Variants in COL4A6 observed in about 807,000 individuals in gnomAD.
COL4A6 encodes collagen alpha-6(IV) chain.
Under a neutral mutation model 126.7 loss-of-function variants are expected in COL4A6, and 59 were observed. The observed-to-expected ratio is 0.47, with a 90% confidence interval of 0.38 to 0.58. The LOEUF (loss-of-function observed/expected upper bound fraction) is 0.58. Among genes scored for constraint, COL4A6 ranks in the 20% least tolerant of loss-of-function variants. The pLI is 0.00. For missense variants in COL4A6, 1,285 were observed against 1,337.3 expected (o/e 0.96, Z 0.61); for synonymous variants, 547 against 496.6 (o/e 1.10, Z -1.35).
At chrX:108,212,881 C>T (rs2035751430) in intron 6 of COL4A6, among the ~76,000 whole-genome samples, 1 of 111,742 alleles carries the variant, frequency 8.9e-6, no homozygotes, top group Non-Finnish European at 1.9e-5. Context: ...GTATTTATTA[C>T]CTCAACATTT....
intron 2 of COL4A6, among the ~76,000 whole-genome samples, chrX:108,363,066 G>C (rs2040122787): frequency 8.9e-6 from 1 of 112,280 alleles, no homozygotes; most frequent in Admixed American, 9.5e-5. Context: ...CTCAAAACAA[G>C]GATGGAACTG....
chrX:108,280,266 A>T, intron 3 of COL4A6, among the ~76,000 whole-genome samples: 1 of 111,515 alleles, frequency 9.0e-6, no homozygotes. Context: ...TAAAGAAGAA[A>T]AGAGAGAAGA....
chrX:108,256,603 T>C (rs1190697846), intron 3 of COL4A6, among the ~76,000 whole-genome samples: 1 of 111,560 alleles, frequency 9.0e-6, no homozygotes, highest in Non-Finnish European at 1.9e-5. Flanking sequence ...GGACACACTC[T>C]TTAACAGCCA....
At chrX:108,294,414 G>T (rs77511648) in intron 3 of COL4A6, among the ~76,000 whole-genome samples, 5,477 of 57,684 alleles carry the variant, frequency 0.095, 380 homozygotes, top group African/African-American at 0.31. Flanking sequence ...TTTTTTTTTT[G>T]GTGTGTGTGT....
At chrX:108,334,857 ATGATCAAATAAGACAAGC>A (rs1454295693) in intron 2 of COL4A6, among the ~76,000 whole-genome samples, 5 of 111,796 alleles carry the variant, frequency 4.5e-5, no homozygotes, top group Non-Finnish European at 7.5e-5. Flanking sequence ...AGTTGTTATA[ATGATCAAATAAGACAAGC>A]TGAGTGCAGA....
chrX:108,230,144 T>C (rs1264405107), intron 3 of COL4A6, among the ~76,000 whole-genome samples: 1 of 111,424 alleles, frequency 9.0e-6, no homozygotes, highest in Non-Finnish European at 1.9e-5. Context: ...GGCAAACATC[T>C]AGGGAGATGT....
At chrX:108,395,700 CTA>C (rs1397256723) in intron 2 of COL4A6, among the ~76,000 whole-genome samples, 1 of 111,884 alleles carries the variant, frequency 8.9e-6, no homozygotes, top group African/African-American at 3.2e-5. Context: ...AACAAATGTA[CTA>C]TGATTGTCCC....
intron 37 of COL4A6, among the ~76,000 whole-genome samples, chrX:108,167,177 A>G (rs888432033): frequency 8.9e-6 from 1 of 112,635 alleles, no homozygotes. Context: ...AATGCAAAAC[A>G]GCCCATTTTT....
At chrX:108,238,109 TGTG>T (rs200838520) in intron 3 of COL4A6, among the ~76,000 whole-genome samples, 14 of 103,952 alleles carry the variant, frequency 1.3e-4, no homozygotes, top group African/African-American at 4.8e-4. Context: ...TGTGTGTGTG[TGTG>T]TTTTTTTTTT....
intron 2 of COL4A6, among the ~76,000 whole-genome samples, chrX:108,347,568 C>A (rs1462709878): frequency 9.0e-6 from 1 of 111,229 alleles, no homozygotes; most frequent in Non-Finnish European, 1.9e-5. Flanking sequence ...GCAAAGATTC[C>A]AGAGAGGTCA....
chrX:108,340,174 A>C (rs1034760280), intron 2 of COL4A6, among the ~76,000 whole-genome samples: 3 of 111,581 alleles, frequency 2.7e-5, no homozygotes, highest in Admixed American at 1.9e-4. Flanking sequence ...AGCATTGGAG[A>C]GTTCATTAGA....
intron 2 of COL4A6, among the ~76,000 whole-genome samples, chrX:108,416,192 A>G (rs1268735484): frequency 8.9e-6 from 1 of 112,137 alleles, no homozygotes; most frequent in Non-Finnish European, 1.9e-5. Context: ...CAGTTCTGCC[A>G]CTTGCTAGCC....
chrX:108,290,902 A>G (rs1203794939), intron 3 of COL4A6, among the ~76,000 whole-genome samples: 7 of 112,430 alleles, frequency 6.2e-5, no homozygotes, highest in Non-Finnish European at 1.3e-4. Context: ...TTTAATCTGA[A>G]AAAGAAAGAG....
intron 2 of COL4A6, among the ~76,000 whole-genome samples, chrX:108,434,025 G>T (rs2064219815): frequency 9.0e-6 from 1 of 111,658 alleles, no homozygotes; most frequent in African/African-American, 3.3e-5. Flanking sequence ...CTATTAATGA[G>T]ATAATAAGGG....
chrX:108,392,045 G>A (rs950296344), intron 2 of COL4A6, among the ~76,000 whole-genome samples: 8 of 112,320 alleles, frequency 7.1e-5, no homozygotes, highest in East Asian at 2.8e-4. Flanking sequence ...AACAAATGGC[G>A]TGGAACAACT....
chrX:108,244,915 C>G (rs1232904378), intron 3 of COL4A6, among the ~76,000 whole-genome samples: 1 of 112,038 alleles, frequency 8.9e-6, no homozygotes, highest in Non-Finnish European at 1.9e-5. Context: ...CAGATGTTCC[C>G]TTACATTAGC....
intron 23 of COL4A6, among the ~76,000 whole-genome samples, chrX:108,183,426 G>C (rs2034747240): frequency 9.0e-6 from 1 of 111,563 alleles, no homozygotes; most frequent in African/African-American, 3.3e-5. Flanking sequence ...AAATGAATTT[G>C]CTTAAGGTAG....
intron 2 of COL4A6, among the ~76,000 whole-genome samples, chrX:108,335,377 T>C (rs2039405732): frequency 8.9e-6 from 1 of 112,111 alleles, no homozygotes; most frequent in Admixed American, 9.5e-5. Flanking sequence ...ATGGATGAGG[T>C]AACCTTCCCA....
At chrX:108,240,741 T>C (rs781501205) in intron 3 of COL4A6, among the ~76,000 whole-genome samples, 1 of 112,485 alleles carries the variant, frequency 8.9e-6, no homozygotes, top group East Asian at 2.8e-4. Context: ...TTACTGTTCA[T>C]GCAATTTTCT....
Sources: allele counts gnomAD v4.1 joint callset (sites outside exome capture counted in the v4.1 genomes callset), GRCh38; gene constraint gnomAD v4.1.1; transcripts MANE v1.5; gene names NCBI Gene and HGNC (gene_info 2026-07-23, HGNC 2026-07-21).